The following CSMD1 variants were observed in gnomAD, a reference collection of about 807,000 sequenced individuals.
CSMD1 encodes the protein CUB and Sushi multiple domains 1.
CSMD1 carries 213 observed loss-of-function variants against 417.5 expected under a neutral mutation model. The observed-to-expected ratio is 0.51, with a 90% CI of 0.46 to 0.57. CSMD1 has a LOEUF of 0.57. Ranked by LOEUF, CSMD1 falls within the 20% of genes least tolerant of loss-of-function variation. The pLI is 0.00. For missense variants in CSMD1, 6,923 were observed against 4,529.7 expected (o/e 1.53, Z -15.17); for synonymous variants, 2,862 against 1,736.8 (o/e 1.65, Z -16.11).
At chr8:3,739,688 G>T (rs574228970) in intron 6 of CSMD1, among the ~76,000 whole-genome samples, 1 of 152,268 alleles carries the variant, frequency 6.6e-6, no homozygotes, top group African/African-American at 2.4e-5. Context: ...TTGTAAGACT[G>T]TACCACATGG....
At chr8:3,430,375 G>C (rs1412463479) in intron 12 of CSMD1, among the ~76,000 whole-genome samples, 2 of 152,112 alleles carry the variant, frequency 1.3e-5, no homozygotes, top group Non-Finnish European at 2.9e-5. Flanking sequence ...AACACCATGA[G>C]AGTGGAAGCT....
intron 7 of CSMD1, chr8:3,702,245 C>G (rs1487939305): frequency 1.3e-5 from 2 of 152,156 alleles, no homozygotes; most frequent in African/African-American, 4.8e-5. Flanking sequence ...AATGCTCCTC[C>G]GTACACAGCA....
intron 12 of CSMD1, among the ~76,000 whole-genome samples, chr8:3,441,312 T>A (rs1229597711): frequency 2.6e-5 from 4 of 152,064 alleles, no homozygotes; most frequent in African/African-American, 9.7e-5. Flanking sequence ...GGTGGTTAGT[T>A]TCCTTAGGAA....
At chr8:4,387,224 T>C (rs893847082) in intron 3 of CSMD1, among the ~76,000 whole-genome samples, 6 of 152,292 alleles carry the variant, frequency 3.9e-5, no homozygotes, top group East Asian at 1.9e-4. Flanking sequence ...TCTAAACAAA[T>C]GTAAATATTT....
At chr8:3,573,072 T>C (rs2090085051) in intron 10 of CSMD1, among the ~76,000 whole-genome samples, 1 of 152,186 alleles carries the variant, frequency 6.6e-6, no homozygotes, top group Admixed American at 6.5e-5. Flanking sequence ...GCTTAGTAAA[T>C]AGTTAACAAA....
chr8:4,775,544 G>A (rs552554029), intron 1 of CSMD1, among the ~76,000 whole-genome samples: 1 of 152,180 alleles, frequency 6.6e-6, no homozygotes, highest in South Asian at 2.1e-4. Flanking sequence ...AGGACCAAGG[G>A]TAACAAATAT....
chr8:4,116,183 G>A lies in CSMD1; in HGVS notation c.416-84084C>T, dbSNP rs906398693. ...TAATTTTTGTATTTTTAGTACAGACGGGGTTTCCCCATGTTGGCCAGGCTG... is the reference window on the plus strand; with the variant it reads ...TAATTTTTGTATTTTTAGTACAGACAGGGTTTCCCCATGTTGGCCAGGCTG... On this transcript the variant is annotated intron_variant, in intron 3 of 69. Coordinates refer to ENST00000635120, the MANE Select transcript of CSMD1 (RefSeq NM_033225.6). 2.0e-5 allele frequency among the ~76,000 whole-genome samples: 3 copies of A among 151,792 alleles called. No individual in the cohort carries two copies. The South Asian group carries it at 6.3e-4, about 32-fold the overall frequency.
intron 1 of CSMD1, among the ~76,000 whole-genome samples, chr8:4,848,453 T>C (rs1014864679): frequency 1.3e-5 from 2 of 152,196 alleles, no homozygotes; most frequent in Non-Finnish European, 2.9e-5. Context: ...GCATTACTCA[T>C]GGGTTTGTTG....
At chr8:3,086,245 T>C (rs1814521215) in intron 49 of CSMD1, among the ~76,000 whole-genome samples, 1 of 152,254 alleles carries the variant, frequency 6.6e-6, no homozygotes, top group South Asian at 2.1e-4. Flanking sequence ...TGCTTGAGTC[T>C]ATCTCTATGT....
At chr8:4,083,741 G>A (rs1170892674) in intron 3 of CSMD1, among the ~76,000 whole-genome samples, 1 of 152,102 alleles carries the variant, frequency 6.6e-6, no homozygotes, top group Non-Finnish European at 1.5e-5. Context: ...AAAAACCCTA[G>A]AAGAAAACCT....
chr8:3,196,275 A>C (rs1796697920), intron 33 of CSMD1, among the ~76,000 whole-genome samples: 1 of 152,196 alleles, frequency 6.6e-6, no homozygotes, highest in Admixed American at 6.5e-5. Context: ...TAGTTAAAGG[A>C]ATTGTCTACC....
chr8:2,982,317 C>T (rs1428097456), intron 54 of CSMD1, among the ~76,000 whole-genome samples: 1 of 152,184 alleles, frequency 6.6e-6, no homozygotes, highest in Non-Finnish European at 1.5e-5. Flanking sequence ...GATCATGCCA[C>T]TGCACTGCAG....
intron 1 of CSMD1, among the ~76,000 whole-genome samples, chr8:4,760,884 T>C (rs1563316469): frequency 6.6e-6 from 1 of 152,182 alleles, no homozygotes. Context: ...CATGACCTTT[T>C]AGAAAGTGTG....
At chr8:3,568,964 A>G (rs549037218) in intron 10 of CSMD1, among the ~76,000 whole-genome samples, 1 of 152,162 alleles carries the variant, frequency 6.6e-6, no homozygotes, top group Non-Finnish European at 1.5e-5. Flanking sequence ...GTCTCACAAT[A>G]TATATTACTT....
chr8:4,211,496 G>A (rs974275639), intron 3 of CSMD1, among the ~76,000 whole-genome samples: 10 of 152,156 alleles, frequency 6.6e-5, no homozygotes, highest in African/African-American at 2.2e-4. Flanking sequence ...TTCACTGGGT[G>A]TTTGAATGTA....
intron 54 of CSMD1, among the ~76,000 whole-genome samples, chr8:2,988,610 G>A (rs1013501909): frequency 5.9e-5 from 9 of 152,228 alleles, no homozygotes; most frequent in Non-Finnish European, 1.0e-4. Context: ...ACCTGAAGAT[G>A]CTTGTTTTCA....
intron 4 of CSMD1, among the ~76,000 whole-genome samples, chr8:4,002,599 C>T (rs1191196678): frequency 2.6e-5 from 4 of 152,154 alleles, no homozygotes; most frequent in African/African-American, 9.7e-5. Context: ...AACTTATCTT[C>T]CAGTTTAGCT....
intron 50 of CSMD1, among the ~76,000 whole-genome samples, chr8:3,043,485 T>G (rs184655364): frequency 6.6e-6 from 1 of 152,096 alleles, no homozygotes; most frequent in African/African-American, 2.4e-5. Flanking sequence ...TTGCTCTGGT[T>G]TGCTTTCCCT....
intron 2 of CSMD1, among the ~76,000 whole-genome samples, chr8:4,620,998 G>T (rs1042053329): frequency 6.6e-6 from 1 of 151,840 alleles, no homozygotes; most frequent in African/African-American, 2.4e-5. Context: ...TTTTAAAAGG[G>T]AATTAATACA....
Sources: gnomAD v4.1 joint callset for allele counts (sites outside exome capture counted in the v4.1 genomes callset) on GRCh38, gnomAD v4.1.1 for gene constraint, MANE v1.5 for transcripts, NCBI Gene and HGNC (gene_info 2026-07-23, HGNC 2026-07-21) for gene names.